ZNF91: variants seen among roughly 807,000 people sequenced by gnomAD.
ZNF91 encodes the protein zinc finger protein 91.
In ZNF91, 7 loss-of-function variants were observed where a neutral mutation model predicts 12.6. That is an observed-to-expected ratio of 0.55 (90% CI 0.31 to 1.04). The LOEUF (loss-of-function observed/expected upper bound fraction) is 1.04. Among genes scored for constraint, ZNF91 ranks in the 50% least tolerant of loss-of-function variants. The pLI is 0.05. For missense variants in ZNF91, 1,217 were observed against 1,385.4 expected, an observed-to-expected ratio of 0.88 and a Z score of 1.93; for synonymous variants, 453 against 462.6, an observed-to-expected ratio of 0.98 and a Z score of 0.27.
Position 23,360,052 on chromosome 19 carries a change from C to T in ZNF91, c.2927G>A (p.Arg976Lys). Residue 976 changes from arginine to lysine, a missense_variant, in exon 4 of 4, where the codon AGG becomes AAG. Arg to Lys is a conservative substitution (Grantham distance 26). This residue lies in a region of ZNF91 where 491 missense variants were observed against 489.8 expected (regional missense o/e 1.00). Coordinates refer to ENST00000300619, the MANE Select transcript of ZNF91 (RefSeq NM_003430.4). Reference protein sequence around the residue: ...YKCEECGKAFRKSSTLTEHKI... With the variant: ...YKCEECGKAFKKSSTLTEHKI... Reference sequence around the variant, plus strand: ...ATGTTCAGTAAGAGTTGAAGATTTCCTAAAAGCTTTGCCACATTCTTCACA... The same window carrying T: ...ATGTTCAGTAAGAGTTGAAGATTTCTTAAAAGCTTTGCCACATTCTTCACA... 2 of 1,609,964 alleles carry T rather than the reference C, an allele frequency of 1.2e-6. No individual in the cohort carries two copies. Among genetic ancestry groups the T allele is most frequent in the Non-Finnish European group, 1.7e-6 (2 of 1,179,090 alleles).
chr19:23,395,242 G>GCCTGA, intron 1 of ZNF91, 83 bp downstream of exon 1: 1 of 1,538,142 alleles, frequency 6.5e-7, no homozygotes, highest in African/African-American at 1.4e-5. Flanking sequence ...CTGAAGGAAG[G>GCCTGA]CCTGAGGCTC....
At chr19:23,362,914 C>T (rs1968871242) in intron 3 of ZNF91, among the ~76,000 whole-genome samples, 189 bp from the exon 4 acceptor site, 1 of 152,142 alleles carries the variant, frequency 6.6e-6, no homozygotes, top group Non-Finnish European at 1.5e-5. Flanking sequence ...CGCTCTGTCA[C>T]CCAGGCTGGA....
chr19:23,318,544 A>G (rs1424993716), intron 1 of ZNF91, among the ~76,000 whole-genome samples: 1 of 152,136 alleles, frequency 6.6e-6, no homozygotes. Context: ...CTCAGCACCA[A>G]GATGATGTGA....
At chr19:23,312,284 A>G (rs969887694), upstream of ZNF91, among the ~76,000 whole-genome samples, 2 of 152,154 alleles carry the variant, frequency 1.3e-5, no homozygotes, top group African/African-American at 4.8e-5. Flanking sequence ...ACTGTCATAT[A>G]TATCTTAGTT....
downstream of ZNF91, among the ~76,000 whole-genome samples, chr19:23,353,747 G>A (rs1263863897): frequency 6.6e-6 from 1 of 152,072 alleles, no homozygotes; most frequent in African/African-American, 2.4e-5. Context: ...ACCTCACTGA[G>A]AAATGAAACA....
exon 3 of ZNF91, chr19:23,307,401 A>G (rs167154): frequency 0.34 from 52,199 of 152,070 alleles, 10,208 homozygotes; most frequent in African/African-American, 0.54. Flanking sequence ...CCTGGGCCAT[A>G]CCTAAAACAG....
downstream of ZNF91, among the ~76,000 whole-genome samples, chr19:23,354,919 C>G (rs1054527003): frequency 6.6e-6 from 1 of 152,098 alleles, no homozygotes; most frequent in Non-Finnish European, 1.5e-5. Context: ...GTCGAAAGAC[C>G]TGTACAAGGA....
At chr19:23,346,572 C>T (rs970956755) in intron 3 of ZNF91, among the ~76,000 whole-genome samples, 8 of 152,152 alleles carry the variant, frequency 5.3e-5, no homozygotes, top group African/African-American at 1.9e-4. Context: ...CCAACGTAGA[C>T]CCAGCTATCC....
chr19:23,391,351 T>A (rs1234950738), intron 1 of ZNF91, among the ~76,000 whole-genome samples: 1 of 152,208 alleles, frequency 6.6e-6, no homozygotes, highest in East Asian at 1.9e-4. Context: ...ACCCTCAGTC[T>A]GAGCCACCAT....
At chr19:23,332,361 A>G (rs183724875) in intron 1 of ZNF91, among the ~76,000 whole-genome samples, 259 of 152,220 alleles carry the variant, frequency 1.7e-3, no homozygotes, top group Middle Eastern at 6.8e-3. Context: ...TTTTTAACAC[A>G]TCATCTTTTT....
At chr19:23,388,838 C>T (rs918590573) in intron 1 of ZNF91, among the ~76,000 whole-genome samples, 1 of 138,124 alleles carries the variant, frequency 7.2e-6, no homozygotes, top group African/African-American at 2.9e-5. Context: ...CACGCCATTG[C>T]ACTCCAGCCT....
Position 23,372,223 on chromosome 19 carries a change from T to TA in ZNF91, c.253+1518dup, listed in dbSNP as rs202199647. On this transcript the variant is annotated intron_variant, in intron 3 of 3. Transcript: ENST00000300619. ...TATATGGAGAGTGACATTAATAAGA[T>TA]AAAAAAAAAAAGATGCCCTATTTGC... Among the ~76,000 whole-genome samples, 479 of 141,654 alleles carry TA rather than the reference T, an allele frequency of 3.4e-3. 2 individuals are homozygous for TA. Among genetic ancestry groups the TA allele is most frequent in the East Asian group, 0.026 (133 of 5,038 alleles). The allele number at this position is 141,654 out of a possible 152,430, so 92.9% of individuals were successfully genotyped here.
At chr19:23,393,531 C>G (rs1029471504) in intron 1 of ZNF91, among the ~76,000 whole-genome samples, 4 of 152,074 alleles carry the variant, frequency 2.6e-5, no homozygotes, top group Non-Finnish European at 5.9e-5. Flanking sequence ...AAAGGAAAAC[C>G]TGACCCAAAA....
intron 3 of ZNF91, chr19:23,339,521 G>C (rs1045628826): frequency 6.6e-6 from 1 of 152,086 alleles, no homozygotes; most frequent in Non-Finnish European, 1.5e-5. Context: ...AAAATTATAC[G>C]AACTACCTAC....
intron 1 of ZNF91, among the ~76,000 whole-genome samples, chr19:23,394,592 G>A (rs58273697): frequency 7.8e-4 from 118 of 152,198 alleles, no homozygotes; most frequent in African/African-American, 2.7e-3. Flanking sequence ...TTGGCCTGGT[G>A]TGGTGGCAGG....
At position 23,360,506 on chromosome 19, in the gene ZNF91, G is replaced by A. The variant is rs771598542; in HGVS notation, c.2473C>T (p.Pro825Ser). The A allele has an allele frequency of 6.2e-7, 1 of 1,613,608 alleles. No homozygotes were observed. Among genetic ancestry groups the A allele is most frequent in the East Asian group, 2.2e-5 (1 of 44,784 alleles). Reference sequence around the variant, plus strand: ...TTGCCACATTCTTTACATTTGTAGGGTTTCTCTCCAGTATGAATTGTCTTA... The same window carrying A: ...TTGCCACATTCTTTACATTTGTAGGATTTCTCTCCAGTATGAATTGTCTTA... ...KHKTIHTGEKPYKCKECGKAF... is the reference protein window; with the variant it reads ...KHKTIHTGEKSYKCKECGKAF... The change falls in exon 4 of 4, where the codon CCC (proline) becomes TCC (serine). Residue 825 changes from proline (P) to serine (S), a missense_variant. Pro to Ser is a moderately conservative substitution (Grantham distance 74). Coordinates refer to ENST00000300619, the MANE Select transcript of ZNF91 (RefSeq NM_003430.4).
intron 1 of ZNF91, among the ~76,000 whole-genome samples, chr19:23,330,580 A>G (rs891603321): frequency 6.6e-6 from 1 of 152,094 alleles, no homozygotes; most frequent in East Asian, 1.9e-4. Context: ...ATGATTTTTC[A>G]TCTCTTGCTT....
intron 1 of ZNF91, among the ~76,000 whole-genome samples, chr19:23,309,577 G>T (rs1967440668): frequency 6.6e-6 from 1 of 151,932 alleles, no homozygotes; most frequent in African/African-American, 2.4e-5. Context: ...CATATCTCTG[G>T]CCCAGAACTT....
chr19:23,366,821 A>G (rs529023860), intron 3 of ZNF91, among the ~76,000 whole-genome samples: 2 of 152,360 alleles, frequency 1.3e-5, no homozygotes, highest in African/African-American at 4.8e-5. Context: ...TCCGACATCT[A>G]ACATCAAGAA....
Sources: gnomAD v4.1 joint callset for allele counts (sites outside exome capture counted in the v4.1 genomes callset) on GRCh38, gnomAD v4.1.1 for gene constraint, gnomAD v4.1.1 regional missense constraint, MANE v1.5 for transcripts, NCBI Gene and HGNC (gene_info 2026-07-23, HGNC 2026-07-21) for gene names.